Variants in RIMS2 observed in about 807,000 individuals in gnomAD.
The protein encoded by RIMS2 is regulating synaptic membrane exocytosis protein 2.
Under a neutral mutation model 174.4 loss-of-function variants are expected in RIMS2, and 59 were observed. The observed-to-expected ratio is 0.34, with a 90% CI of 0.27 to 0.42. RIMS2 has a LOEUF of 0.42. RIMS2 is among the 10% of genes least tolerant of loss of function. The pLI is 1.00. For missense variants in RIMS2, 1,620 were observed against 1,666.3 expected, an observed-to-expected ratio of 0.97 and a Z score of 0.48; for synonymous variants, 606 against 572.5, an observed-to-expected ratio of 1.06 and a Z score of -0.84.
chr8:104,163,563 T>C (rs1477235384), intron 19 of RIMS2, among the ~76,000 whole-genome samples: 7 of 152,134 alleles, frequency 4.6e-5, no homozygotes, highest in Non-Finnish European at 1.5e-5. Context: ...AAATCAACCG[T>C]GTAGGATCTG....
At chr8:103,691,607 T>C (rs767570832) in intron 1 of RIMS2, among the ~76,000 whole-genome samples, 4 of 152,218 alleles carry the variant, frequency 2.6e-5, no homozygotes, top group Admixed American at 6.5e-5. Flanking sequence ...TTGAATTTCA[T>C]TGAGCTCCTT....
At chr8:103,980,444 T>C (rs958292188) in intron 16 of RIMS2, among the ~76,000 whole-genome samples, 2 of 152,192 alleles carry the variant, frequency 1.3e-5, no homozygotes, top group African/African-American at 4.8e-5. Context: ...GGAACTATGC[T>C]GTGGGCATTG....
chr8:103,514,756 C>G (rs989867509), intron 1 of RIMS2, among the ~76,000 whole-genome samples: 10 of 151,850 alleles, frequency 6.6e-5, no homozygotes, highest in African/African-American at 2.4e-4. Context: ...AGAAGAACTT[C>G]ATTTTCTGGC....
At chr8:103,559,614 G>A (rs1246759515) in intron 1 of RIMS2, among the ~76,000 whole-genome samples, 1 of 152,108 alleles carries the variant, frequency 6.6e-6, no homozygotes. Flanking sequence ...AACTCATGGT[G>A]GATCCAGAAT....
intron 1 of RIMS2, among the ~76,000 whole-genome samples, chr8:103,540,538 C>T (rs1842065689): frequency 6.6e-6 from 1 of 152,178 alleles, no homozygotes; most frequent in Non-Finnish European, 1.5e-5. Flanking sequence ...AAAACTAGCT[C>T]ATAAAGTCTT....
At chr8:103,764,033 C>G (rs974288795) in intron 2 of RIMS2, among the ~76,000 whole-genome samples, 6 of 152,140 alleles carry the variant, frequency 3.9e-5, no homozygotes, top group African/African-American at 7.2e-5. Context: ...CCCAGAGTTT[C>G]CTATTCAGTA....
intron 3 of RIMS2, among the ~76,000 whole-genome samples, chr8:103,770,404 C>T (rs555867329): frequency 3.3e-5 from 5 of 152,160 alleles, no homozygotes; most frequent in Non-Finnish European, 5.9e-5. Context: ...GGTGAAACCC[C>T]GTCTTTACTA....
At chr8:104,097,868 A>G (rs576265927) in intron 19 of RIMS2, among the ~76,000 whole-genome samples, 88 of 152,328 alleles carry the variant, frequency 5.8e-4, no homozygotes, top group Non-Finnish European at 1.0e-3. Context: ...ATTACTTTTA[A>G]TGCCATTAAT....
At chr8:103,609,710 C>CATGCTGTTTGATTAT (rs2095299398) in intron 1 of RIMS2, among the ~76,000 whole-genome samples, 1 of 152,104 alleles carries the variant, frequency 6.6e-6, no homozygotes, top group African/African-American at 2.4e-5. Context: ...TCTTTGTAAC[C>CATGCTGTTTGATTAT]GTTCCATGCT....
intron 2 of RIMS2, among the ~76,000 whole-genome samples, 179 bp from the exon 6 acceptor site, chr8:103,766,048 T>G (rs1378908392): frequency 6.6e-6 from 1 of 152,182 alleles, no homozygotes; most frequent in African/African-American, 2.4e-5. Context: ...ATTAGAATTA[T>G]TCAGAAAAAT....
At chr8:103,943,365 A>C (rs12542692) in intron 14 of RIMS2, among the ~76,000 whole-genome samples, 34,536 of 151,982 alleles carry the variant, frequency 0.23, 4,140 homozygotes, top group Non-Finnish European at 0.24. Flanking sequence ...CATGAACTTT[A>C]ATTCCAGACT....
At position 103,994,091 on chromosome 8, in the gene RIMS2, A is replaced by G. The variant is rs370305757; in HGVS notation, c.3044+4670A>G. ...AAAAGAATAAAAAAAATGTTTTTGCATTAAGTAAGGGTTTTTGGAAGCTAT... is the reference window on the plus strand; with the variant it reads ...AAAAGAATAAAAAAAATGTTTTTGCGTTAAGTAAGGGTTTTTGGAAGCTAT... On this transcript the variant is annotated intron_variant, in intron 17 of 23. Transcript: ENST00000504942. Among the ~76,000 whole-genome samples the G allele has an allele frequency of 3.3e-5, 5 of 151,146 alleles. No homozygotes were observed. In the South Asian group the frequency reaches 1.0e-3, roughly 31 times the overall value.
intron 3 of RIMS2, among the ~76,000 whole-genome samples, chr8:103,787,996 C>T (rs1385258083): frequency 5.9e-5 from 9 of 151,832 alleles, no homozygotes; most frequent in African/African-American, 1.7e-4. Flanking sequence ...CTCTAAACTT[C>T]CCTTCTCACT....
At chr8:103,782,530 C>T (rs1354124762) in intron 3 of RIMS2, among the ~76,000 whole-genome samples, 1 of 151,736 alleles carries the variant, frequency 6.6e-6, no homozygotes, top group East Asian at 1.9e-4. Context: ...AGTACAATCA[C>T]TTGGTTAAAG....
At position 103,615,988 on chromosome 8, in the gene RIMS2, C is replaced by G. The variant is rs530075086; in HGVS notation, c.177-81098C>G. ...TCCTACAGAAACTATTTGAAAAAATCGAGGAGAAGGGACATCTCCCAACTC... is the reference window on the plus strand; with the variant it reads ...TCCTACAGAAACTATTTGAAAAAATGGAGGAGAAGGGACATCTCCCAACTC... On this transcript the variant is annotated intron_variant, in intron 1 of 23. Coordinates refer to ENST00000504942, the Ensembl canonical transcript of RIMS2. Among the ~76,000 whole-genome samples, 23 of 152,076 alleles carry G rather than the reference C, an allele frequency of 1.5e-4. 1 individual carries two copies. Among genetic ancestry groups the G allele is most frequent in the African/African-American group, 4.1e-4 (17 of 41,482 alleles).
At chr8:103,546,915 G>T (rs1003130604) in intron 1 of RIMS2, among the ~76,000 whole-genome samples, 2 of 152,138 alleles carry the variant, frequency 1.3e-5, no homozygotes, top group African/African-American at 4.8e-5. Flanking sequence ...GGCAAACAAG[G>T]TACATCTTAA....
intron 3 of RIMS2, among the ~76,000 whole-genome samples, chr8:103,831,774 T>C (rs2154479805): frequency 6.6e-6 from 1 of 152,234 alleles, no homozygotes; most frequent in East Asian, 1.9e-4. Context: ...TCAGGCAGAG[T>C]CCTGACCAGT....
intron 1 of RIMS2, among the ~76,000 whole-genome samples, chr8:103,686,699 T>C (rs1219550918): frequency 6.6e-6 from 1 of 152,156 alleles, no homozygotes; most frequent in Non-Finnish European, 1.5e-5. Flanking sequence ...ATATTTTTAG[T>C]GTTGAGGATT....
chr8:103,527,634 T>C (rs1046720845), intron 1 of RIMS2, among the ~76,000 whole-genome samples: 14 of 151,752 alleles, frequency 9.2e-5, no homozygotes, highest in African/African-American at 3.1e-4. Flanking sequence ...AGTGAGAACA[T>C]GTGGTGTTTG....
Sources: allele counts gnomAD v4.1 joint callset (sites outside exome capture counted in the v4.1 genomes callset), GRCh38; gene constraint gnomAD v4.1.1; transcripts MANE v1.5; gene names NCBI Gene and HGNC (gene_info 2026-07-23, HGNC 2026-07-21).